PLA2G4A: variants seen among roughly 807,000 people sequenced by gnomAD.
The protein encoded by PLA2G4A is cytosolic phospholipase A2.
In PLA2G4A, 40 loss-of-function variants were observed where a neutral mutation model predicts 81.9. The ratio of observed to expected loss-of-function variants is 0.49; its 90% CI spans 0.38 to 0.64. PLA2G4A has a LOEUF of 0.64. Ranked by LOEUF, PLA2G4A falls within the 30% of genes least tolerant of loss-of-function variation. The probability of loss-of-function intolerance (pLI) is 0.00; values close to 1 mark genes in which losing one functional copy is unlikely to be tolerated. For missense variants in PLA2G4A, 715 were observed against 905.1 expected, an observed-to-expected ratio of 0.79 and a Z score of 2.69; for synonymous variants, 302 against 296.9, an observed-to-expected ratio of 1.02 and a Z score of -0.18.
intron 7 of PLA2G4A, among the ~76,000 whole-genome samples, chr1:186,915,923 G>A (rs892269355): frequency 6.6e-6 from 1 of 152,020 alleles, no homozygotes; most frequent in Non-Finnish European, 1.5e-5. Flanking sequence ...AAATTATCAG[G>A]GTAATTCTTT....
At chr1:186,941,114 AAAAAAAAAAAAAAAAAGG>A (rs1399835167) in intron 10 of PLA2G4A, among the ~76,000 whole-genome samples, 1 of 147,470 alleles carries the variant, frequency 6.8e-6, no homozygotes, top group East Asian at 2.0e-4. Context: ...CTCCGTCTCA[AAAAAAAAAAAAAAAAAGG>A]GCACAACAGC....
intron 10 of PLA2G4A, among the ~76,000 whole-genome samples, chr1:186,945,159 G>C (rs1224360735): frequency 6.6e-6 from 1 of 152,126 alleles, no homozygotes. Context: ...TTAAGTAGGA[G>C]CAAGCATTAT....
intron 1 of PLA2G4A, among the ~76,000 whole-genome samples, chr1:186,830,587 G>A (rs1226572452): frequency 3.1e-5 from 3 of 95,762 alleles, no homozygotes; most frequent in African/African-American, 4.2e-5. Flanking sequence ...CTGCCTGAGC[G>A]AAAACAGCGA....
At position 186,946,851 on chromosome 1, in the gene PLA2G4A, G is replaced by C; in HGVS notation, c.1172-18G>C. The stretch of plus-strand genomic sequence containing the variant: ...CCTGGGATATTTTAAGTTATTTTCT[G>C]TTTCTGTTTTATTTTAGGTGTCTGG... On this transcript the variant is annotated intron_variant, in intron 11 of 17. Transcript: ENST00000367466. 1 of 1,604,032 alleles carries C rather than the reference G, an allele frequency of 6.2e-7. No homozygotes were observed. Among genetic ancestry groups the C allele is most frequent in the Non-Finnish European group, 8.5e-7 (1 of 1,171,152 alleles).
chr1:186,839,212 T>C (rs1188934596), intron 1 of PLA2G4A, among the ~76,000 whole-genome samples: 1 of 152,340 alleles, frequency 6.6e-6, no homozygotes, highest in Non-Finnish European at 1.5e-5. Flanking sequence ...GGCAGCATGG[T>C]GAGAAGAGAG....
chr1:186,881,763 C>CT (rs1653742290), intron 3 of PLA2G4A, among the ~76,000 whole-genome samples: 1 of 152,010 alleles, frequency 6.6e-6, no homozygotes, highest in Non-Finnish European at 1.5e-5. Flanking sequence ...AGGGTTGAGA[C>CT]CTATTACCAA....
intron 6 of PLA2G4A, among the ~76,000 whole-genome samples, chr1:186,910,282 A>G (rs1477289157): frequency 1.3e-5 from 2 of 152,184 alleles, no homozygotes; most frequent in Admixed American, 6.5e-5. Flanking sequence ...AATTAAGGTA[A>G]GGATTTTTAT....
At chr1:186,900,698 G>T (rs2102130293) in intron 5 of PLA2G4A, among the ~76,000 whole-genome samples, 1 of 152,254 alleles carries the variant, frequency 6.6e-6, no homozygotes, top group East Asian at 1.9e-4. Flanking sequence ...CGCTTCAAAA[G>T]AATCATGGAA....
intron 3 of PLA2G4A, among the ~76,000 whole-genome samples, chr1:186,878,629 G>T (rs1278776201): frequency 2.0e-5 from 3 of 151,768 alleles, no homozygotes; most frequent in Non-Finnish European, 4.4e-5. Flanking sequence ...AGGCACTGTT[G>T]TTCCTTCCTC....
intron 10 of PLA2G4A, among the ~76,000 whole-genome samples, chr1:186,943,870 T>A (rs963371252): frequency 3.3e-5 from 5 of 152,206 alleles, no homozygotes; most frequent in African/African-American, 1.2e-4. Flanking sequence ...ATGGAAATAG[T>A]TAATGCTTTT....
At chr1:186,926,115 G>A (rs1571408126) in intron 7 of PLA2G4A, among the ~76,000 whole-genome samples, 1 of 152,286 alleles carries the variant, frequency 6.6e-6, no homozygotes, top group Non-Finnish European at 1.5e-5. Context: ...AGAAATTTAT[G>A]TAGGACACAT....
intron 17 of PLA2G4A, among the ~76,000 whole-genome samples, chr1:186,982,603 G>A (rs1657756863): frequency 6.6e-6 from 1 of 152,098 alleles, no homozygotes; most frequent in Non-Finnish European, 1.5e-5. Context: ...TTTTCTGAAT[G>A]AACAAATGAA....
chr1:186,851,599 AT>A (rs1426918739), intron 1 of PLA2G4A, among the ~76,000 whole-genome samples: 1 of 152,020 alleles, frequency 6.6e-6, no homozygotes, highest in African/African-American at 2.4e-5. Flanking sequence ...CACTTTAAAA[AT>A]GTTGTAATAG....
intron 13 of PLA2G4A, 41 bp from the exon 14 acceptor site, chr1:186,956,061 G>A (rs966873925): frequency 3.2e-6 from 5 of 1,586,326 alleles, no homozygotes; most frequent in Non-Finnish European, 4.3e-6. Context: ...TTTTAAACAT[G>A]TATTTTGGAG....
chr1:186,905,244 A>G (rs995760351), intron 5 of PLA2G4A, among the ~76,000 whole-genome samples: 1 of 152,224 alleles, frequency 6.6e-6, no homozygotes, highest in Non-Finnish European at 1.5e-5. Flanking sequence ...ATGAGACGGC[A>G]CAATGAAAGA....
In PLA2G4A at chr1:186,970,268, A is replaced by G. The variant is rs369338724; in HGVS notation, c.1764+4675A>G. 1.1e-4 allele frequency among the ~76,000 whole-genome samples: 16 copies of G among 151,720 alleles called. 1 individual carries two copies. Among genetic ancestry groups the G allele is most frequent in the East Asian group, 7.7e-4 (4 of 5,174 alleles). On this transcript the variant is annotated intron_variant, in intron 15 of 17. Coordinates refer to ENST00000367466, the MANE Select transcript of PLA2G4A (RefSeq NM_024420.3). ...GTTTAAAAATCCGATTGTTTTTCCT[A>G]TTGAGTTGTTTGAGCTTCTTATATA...
intron 6 of PLA2G4A, among the ~76,000 whole-genome samples, chr1:186,907,876 T>C (rs182942116): frequency 6.6e-6 from 1 of 152,234 alleles, no homozygotes; most frequent in Non-Finnish European, 1.5e-5. Context: ...TCCAAGTTAT[T>C]GTGTTGCATT....
Position 186,965,509 on chromosome 1 carries a change from G to C in PLA2G4A, c.1680G>C (p.Leu560Phe). The C allele has an allele frequency of 6.2e-7, 1 of 1,612,640 alleles. No individual in the cohort carries two copies. Among genetic ancestry groups the C allele is most frequent in the Non-Finnish European group, 8.5e-7 (1 of 1,178,618 alleles). ...TCACATTTAACCTGCCGTATCCCTTGATACTGAGACCTCAGAGAGGGGTTG... is the reference window on the plus strand; with the variant it reads ...TCACATTTAACCTGCCGTATCCCTTCATACTGAGACCTCAGAGAGGGGTTG... ...SGLTFNLPYP[L>F]ILRPQRGVDL... The change falls in exon 15 of 18, where the codon TTG (leucine) becomes TTC (phenylalanine). Residue 560 changes from leucine to phenylalanine, a missense_variant. By Grantham distance (22) the Leu-to-Phe change is conservative. Transcript: ENST00000367466.
At chr1:186,960,569 C>T (rs1315702227) in intron 14 of PLA2G4A, among the ~76,000 whole-genome samples, 3 of 152,114 alleles carry the variant, frequency 2.0e-5, no homozygotes, top group Non-Finnish European at 4.4e-5. Context: ...AATTTGGGAA[C>T]ATTTACAATT....
Sources: allele counts gnomAD v4.1 joint callset (sites outside exome capture counted in the v4.1 genomes callset), GRCh38; gene constraint gnomAD v4.1.1; transcripts MANE v1.5; gene names NCBI Gene and HGNC (gene_info 2026-07-23, HGNC 2026-07-21).